Variants in CAMSAP2 observed in about 807,000 individuals in gnomAD.
CAMSAP2 encodes calmodulin-regulated spectrin-associated protein 2.
In CAMSAP2, 26 loss-of-function variants were observed where a neutral mutation model predicts 146.1. The observed-to-expected ratio is 0.18, with a 90% confidence interval of 0.13 to 0.25. The LOEUF (loss-of-function observed/expected upper bound fraction) is 0.25. CAMSAP2 is among the 10% of genes least tolerant of loss of function. CAMSAP2 has a pLI of 1.00. For synonymous variants in CAMSAP2, 499 were observed against 596.6 expected, an observed-to-expected ratio of 0.84 and a Z score of 2.38; for missense variants, 1,381 against 1,759.3, an observed-to-expected ratio of 0.78 and a Z score of 3.85.
chr1:200,782,325 AT>A (rs1451791131), intron 2 of CAMSAP2, among the ~76,000 whole-genome samples: 1 of 152,202 alleles, frequency 6.6e-6, no homozygotes, highest in African/African-American at 2.4e-5. Flanking sequence ...CTAAGGCATA[AT>A]TTACATAAAA....
chr1:200,800,954 G>A (rs1262180042), intron 2 of CAMSAP2, among the ~76,000 whole-genome samples: 2 of 152,106 alleles, frequency 1.3e-5, no homozygotes, highest in East Asian at 1.9e-4. Context: ...GAAATTCTGG[G>A]ATGAAAATTC....
chr1:200,855,480 G>A (rs1304862374), intron 14 of CAMSAP2, among the ~76,000 whole-genome samples: 2 of 152,126 alleles, frequency 1.3e-5, no homozygotes, highest in Non-Finnish European at 1.5e-5. Flanking sequence ...TTATTTGCCA[G>A]TTTTCACATT....
At chr1:200,756,269 A>G (rs1021398438) in intron 1 of CAMSAP2, among the ~76,000 whole-genome samples, 3 of 152,124 alleles carry the variant, frequency 2.0e-5, no homozygotes, top group Non-Finnish European at 4.4e-5. Flanking sequence ...TCTGGCCAAC[A>G]TAGTGAAACC....
chr1:200,843,177 C>G (rs796761328), intron 7 of CAMSAP2, among the ~76,000 whole-genome samples: 8 of 152,132 alleles, frequency 5.3e-5, no homozygotes, highest in African/African-American at 1.9e-4. Context: ...TCCTTGGCTC[C>G]AAAGTTTGTT....
intron 2 of CAMSAP2, among the ~76,000 whole-genome samples, chr1:200,789,649 T>G (rs1288882132): frequency 6.6e-6 from 1 of 152,216 alleles, no homozygotes; most frequent in South Asian, 2.1e-4. Context: ...CTAGGTCTTT[T>G]GCCTCTCCAT....
chr1:200,790,946 G>A (rs181685861), intron 2 of CAMSAP2, among the ~76,000 whole-genome samples: 1 of 152,214 alleles, frequency 6.6e-6, no homozygotes, highest in East Asian at 1.9e-4. Flanking sequence ...TCAGGTTCAA[G>A]TGATTCTCCA....
Position 200,858,128 on chromosome 1 carries a change from ATCTT to A in CAMSAP2, c.*73_*76del. 12 of 1,332,816 alleles carry A rather than the reference ATCTT, an allele frequency of 9.0e-6. No homozygotes were observed. Among genetic ancestry groups the A allele is most frequent in the Non-Finnish European group, 1.2e-5 (12 of 977,030 alleles). The allele number at this position is 1,332,816 out of a possible 1,614,324, so 82.6% of individuals were successfully genotyped here. On this transcript the variant is annotated 3_prime_UTR_variant, in exon 17 of 17. Coordinates refer to ENST00000358823, the MANE Select transcript of CAMSAP2 (RefSeq NM_203459.4). ...ACTTCATCTTTCCTGCCTATAGAAA[ATCTT>A]TCTAATTGCCAACAAGACTTTTATT...
At chr1:200,802,150 G>T (rs746017564) in intron 2 of CAMSAP2, among the ~76,000 whole-genome samples, 5 of 152,172 alleles carry the variant, frequency 3.3e-5, no homozygotes, top group African/African-American at 4.8e-5. Context: ...TTCTTGAATT[G>T]TCAATATCAG....
chr1:200,802,694 A>T (rs553860484), intron 2 of CAMSAP2, among the ~76,000 whole-genome samples: 1 of 152,250 alleles, frequency 6.6e-6, no homozygotes, highest in East Asian at 1.9e-4. Flanking sequence ...TTTAAGTTCT[A>T]TGTCTAAATC....
intron 1 of CAMSAP2, among the ~76,000 whole-genome samples, chr1:200,755,855 T>C (rs1203988865): frequency 1.3e-5 from 2 of 152,160 alleles, no homozygotes; most frequent in African/African-American, 4.8e-5. Context: ...TAAACTACAA[T>C]GAGTGACTGG....
At position 200,832,673 on chromosome 1, in the gene CAMSAP2, A is replaced by C. The variant is rs1306928745; in HGVS notation, c.788-33A>C. The C allele has an allele frequency of 6.5e-7, 1 of 1,535,568 alleles. No homozygotes were observed. Among genetic ancestry groups the C allele is most frequent in the Non-Finnish European group, 8.8e-7 (1 of 1,141,442 alleles). On this transcript the variant is annotated intron_variant, in intron 5 of 16. Transcript: ENST00000358823. The surrounding 1 kb of genome is among the most constrained non-coding windows in gnomAD (Gnocchi z 4.2). ...GAAATATTTATTATCAAATTAATCC[A>C]AAGTCACCACCTTGCTCTTTTCTTA...
At chr1:200,837,255 T>C (rs903576367) in intron 6 of CAMSAP2, among the ~76,000 whole-genome samples, 5 of 152,176 alleles carry the variant, frequency 3.3e-5, no homozygotes, top group African/African-American at 9.7e-5. Flanking sequence ...CCATCTTGAG[T>C]TAATTTTTTT....
chr1:200,777,108 C>G (rs971190244), intron 2 of CAMSAP2, among the ~76,000 whole-genome samples: 1 of 152,124 alleles, frequency 6.6e-6, no homozygotes, highest in Non-Finnish European at 1.5e-5. Context: ...GTCCTGGGCT[C>G]ATCAACACTG....
chr1:200,828,533 C>T, intron 4 of CAMSAP2: 1 of 1,546,952 alleles, frequency 6.5e-7, no homozygotes, highest in Non-Finnish European at 8.7e-7. Flanking sequence ...TTTCCCTTTA[C>T]CTTTTGCTTT....
In CAMSAP2 at chr1:200,859,412, CAT is replaced by C. The variant is rs1216351629; in HGVS notation, c.*1356_*1357del. On this transcript the variant is annotated 3_prime_UTR_variant, in exon 17 of 17. Transcript: ENST00000358823. ...TTGTTTAGAGAAAGAACTAATGTCT[CAT>C]ATGATGTATTTACTTATTTTAAAAA... The C allele has an allele frequency of 6.6e-6, 1 of 152,494 alleles. No individual in the cohort carries two copies. The highest frequency in any genetic ancestry group is 1.5e-5 in the Non-Finnish European group (1 of 67,870). 9.4% of individuals were successfully genotyped at this position (152,494 alleles called of 1,614,324 possible). A position where few individuals can be genotyped will look rare whatever the true frequency, so the allele number is the denominator to read the frequency against.
chr1:200,858,442 ATTC>A lies in CAMSAP2; in HGVS notation c.*386_*388del, dbSNP rs897623869. The A allele has an allele frequency of 1.9e-5, 3 of 159,712 alleles. No individual in the cohort carries two copies. Among genetic ancestry groups the A allele is most frequent in the African/African-American group, 7.2e-5 (3 of 41,754 alleles). 9.9% of individuals were successfully genotyped at this position (159,712 alleles called of 1,614,324 possible). A position where few individuals can be genotyped will look rare whatever the true frequency, so the allele number is the denominator to read the frequency against. ...GCTTTTTTTTAACCTTTTAATGTATATTCTTGTCTTCAGATGGTTTGCTATTTT... is the reference window on the plus strand; with the variant it reads ...GCTTTTTTTTAACCTTTTAATGTATATTGTCTTCAGATGGTTTGCTATTTT... On this transcript the variant is annotated 3_prime_UTR_variant, in exon 17 of 17. Transcript: ENST00000358823.
At chr1:200,835,361 C>T (rs577741943) in intron 6 of CAMSAP2, among the ~76,000 whole-genome samples, 2 of 152,326 alleles carry the variant, frequency 1.3e-5, no homozygotes, top group East Asian at 1.9e-4. Flanking sequence ...AGGACCCACA[C>T]TAATGTTTGA....
intron 13 of CAMSAP2, among the ~76,000 whole-genome samples, chr1:200,854,119 A>G (rs1272630687): frequency 1.3e-5 from 2 of 152,130 alleles, no homozygotes; most frequent in East Asian, 3.8e-4. Context: ...AGTTGGGACT[A>G]CAGGTGAGTG....
chr1:200,825,495 T>G (rs1406400738), intron 4 of CAMSAP2, among the ~76,000 whole-genome samples: 10 of 151,928 alleles, frequency 6.6e-5, no homozygotes. Flanking sequence ...CATTCTTTCT[T>G]TCTTTCTTTC....
Sources: gnomAD v4.1 joint callset for allele counts (sites outside exome capture counted in the v4.1 genomes callset) on GRCh38, gnomAD v4.1.1 for gene constraint, Gnocchi (gnomAD v3.1) non-coding constraint, MANE v1.5 for transcripts, NCBI Gene and HGNC (gene_info 2026-07-23, HGNC 2026-07-21) for gene names.